Variants in FBXW4 observed in about 807,000 individuals in gnomAD.
The protein encoded by FBXW4 is F-box/WD repeat-containing protein 4.
Under a neutral mutation model 61.8 loss-of-function variants are expected in FBXW4, and 40 were observed. The observed-to-expected ratio is 0.65, with a 90% CI of 0.50 to 0.84. The LOEUF is 0.84. Ranked by LOEUF, FBXW4 falls within the 40% of genes least tolerant of loss-of-function variation. The probability of loss-of-function intolerance (pLI) is 0.00; values close to 1 mark genes in which losing one functional copy is unlikely to be tolerated. For synonymous variants in FBXW4, 311 were observed against 313.8 expected (o/e 0.99, Z 0.10); for missense variants, 672 against 753.8 (o/e 0.89, Z 1.27).
intron 5 of FBXW4, among the ~76,000 whole-genome samples, chr10:101,643,852 TG>T (rs1416619161): frequency 6.6e-6 from 1 of 151,748 alleles, no homozygotes; most frequent in Admixed American, 6.5e-5. Context: ...GGTAGGGAAG[TG>T]GGGGGGCCCA....
At chr10:101,686,627 T>C (rs1401937143) in intron 1 of FBXW4, among the ~76,000 whole-genome samples, 1 of 152,146 alleles carries the variant, frequency 6.6e-6, no homozygotes, top group Non-Finnish European at 1.5e-5. Flanking sequence ...TGAGAAATAA[T>C]TACACTGCTC....
At chr10:101,632,077 A>T (rs2063963593) in intron 5 of FBXW4, among the ~76,000 whole-genome samples, 1 of 152,180 alleles carries the variant, frequency 6.6e-6, no homozygotes, top group Non-Finnish European at 1.5e-5. Flanking sequence ...GATGGGACTG[A>T]TCAGTAGCTT....
rs750083482 is a variant in FBXW4, at chr10:101,694,410, G to C, written c.696C>G (p.Asn232Lys). The C allele has an allele frequency of 6.7e-7, 1 of 1,503,528 alleles. No homozygotes were observed. The highest frequency in any genetic ancestry group is 1.3e-5 in the South Asian group (1 of 78,642). The allele number at this position is 1,503,528 out of a possible 1,614,324, so 93.1% of individuals were successfully genotyped here. A position where few individuals can be genotyped will look rare whatever the true frequency, so the allele number is the denominator to read the frequency against. Reference protein sequence around the residue: ...LWRRIARASLNSGFTRLGTDL... With the variant: ...LWRRIARASLKSGFTRLGTDL... ...CGGTGCCGAGCCGCGTGAAGCCGGAGTTGAGCGAGGCCCGGGCTATCCGGC... is the reference window on the plus strand; with the variant it reads ...CGGTGCCGAGCCGCGTGAAGCCGGACTTGAGCGAGGCCCGGGCTATCCGGC... The change falls in exon 1 of 9, where the codon AAC becomes AAG. Residue 232 changes from asparagine (N) to lysine (K), a missense_variant. Transcript: ENST00000331272. The surrounding 1 kb of genome is among the most constrained non-coding windows in gnomAD (Gnocchi z 6.0).
At chr10:101,663,496 A>G (rs1348647713) in intron 5 of FBXW4, among the ~76,000 whole-genome samples, 3 of 152,154 alleles carry the variant, frequency 2.0e-5, no homozygotes. Flanking sequence ...CACATTTTTT[A>G]AAATCTGCTT....
At chr10:101,618,505 C>G (rs2063843053) in intron 6 of FBXW4, among the ~76,000 whole-genome samples, 1 of 152,148 alleles carries the variant, frequency 6.6e-6, no homozygotes, top group Non-Finnish European at 1.5e-5. Context: ...CTGCCCCTGC[C>G]TTTGTTGAGA....
chr10:101,673,371 AC>A (rs1257416307), intron 3 of FBXW4, 116 bp downstream of exon 3: 28 of 1,184,690 alleles, frequency 2.4e-5, no homozygotes, highest in Middle Eastern at 5.4e-4. Flanking sequence ...TAAATGGAAA[AC>A]CCTTCTGGTC....
chr10:101,662,734 G>A (rs572333565), intron 5 of FBXW4, among the ~76,000 whole-genome samples: 1 of 152,194 alleles, frequency 6.6e-6, no homozygotes, highest in South Asian at 2.1e-4. Flanking sequence ...AGCTGTGGGC[G>A]CCTCTCCCTT....
At chr10:101,642,658 C>G (rs1285124876) in intron 5 of FBXW4, among the ~76,000 whole-genome samples, 1 of 152,206 alleles carries the variant, frequency 6.6e-6, no homozygotes, top group African/African-American at 2.4e-5. Flanking sequence ...AATTCTACCT[C>G]TGAAGCCTCC....
intron 5 of FBXW4, among the ~76,000 whole-genome samples, chr10:101,631,682 C>T (rs534658400): frequency 6.7e-6 from 1 of 149,444 alleles, no homozygotes; most frequent in East Asian, 2.0e-4. Context: ...GGCTGGAGTG[C>T]AGTGGCGCAA....
At chr10:101,682,651 G>C (rs1017199863) in intron 1 of FBXW4, among the ~76,000 whole-genome samples, 1 of 152,022 alleles carries the variant, frequency 6.6e-6, no homozygotes, top group Non-Finnish European at 1.5e-5. Context: ...CACCTCCCTG[G>C]TCACTTAACT....
intron 5 of FBXW4, among the ~76,000 whole-genome samples, chr10:101,633,021 G>A (rs1369873976): frequency 6.6e-6 from 1 of 152,192 alleles, no homozygotes; most frequent in Non-Finnish European, 1.5e-5. Flanking sequence ...AGAAAGGGGT[G>A]CAGGTGTGGA....
At chr10:101,617,669 G>C (rs1424929965) in intron 6 of FBXW4, among the ~76,000 whole-genome samples, 1 of 152,166 alleles carries the variant, frequency 6.6e-6, no homozygotes, top group African/African-American at 2.4e-5. Context: ...TAACAAGGGG[G>C]CCATAATTAC....
intron 3 of FBXW4, 93 bp downstream of exon 3, chr10:101,673,395 C>A: frequency 1.4e-6 from 2 of 1,411,360 alleles, no homozygotes; most frequent in Non-Finnish European, 2.0e-6. Flanking sequence ...CCTCCTCATC[C>A]CTTTGGAGTT....
At chr10:101,641,754 A>T (rs2064055501) in intron 5 of FBXW4, among the ~76,000 whole-genome samples, 1 of 152,122 alleles carries the variant, frequency 6.6e-6, no homozygotes, top group African/African-American at 2.4e-5. Context: ...ATCAGAAATT[A>T]GGTACGAGGA....
chr10:101,653,419 G>A (rs1428994238), intron 5 of FBXW4, among the ~76,000 whole-genome samples: 1 of 152,130 alleles, frequency 6.6e-6, no homozygotes, highest in Non-Finnish European at 1.5e-5. Flanking sequence ...TCCAAAACTA[G>A]ACTCCAAATT....
At chr10:101,667,422 C>T (rs939823045) in intron 5 of FBXW4, among the ~76,000 whole-genome samples, 5 of 152,140 alleles carry the variant, frequency 3.3e-5, no homozygotes, top group African/African-American at 7.2e-5. Context: ...ATCTGGGCCC[C>T]AAGCCTCTCC....
chr10:101,670,186 CAA>C (rs1164222459), intron 4 of FBXW4, among the ~76,000 whole-genome samples: 2 of 152,166 alleles, frequency 1.3e-5, no homozygotes, highest in African/African-American at 4.8e-5. Context: ...AATCCTAAAA[CAA>C]AAGAAAAACC....
Position 101,673,680 on chromosome 10 carries a change from T to C in FBXW4, c.822-7A>G. ...CTGCATCCAGGGCATCTGACTGAAATGATGGAAAAGAAAATTTAAAAGTCA... is the reference window on the plus strand; with the variant it reads ...CTGCATCCAGGGCATCTGACTGAAACGATGGAAAAGAAAATTTAAAAGTCA... On this transcript the variant is annotated splice_polypyrimidine_tract_variant and splice_region_variant and intron_variant, in intron 2 of 8. Coordinates refer to ENST00000331272, the MANE Select transcript of FBXW4 (RefSeq NM_022039.4). 6.2e-7 allele frequency: 1 copy of C among 1,609,522 alleles called. No individual in the cohort carries two copies. The highest frequency in any genetic ancestry group is 8.5e-7 in the Non-Finnish European group (1 of 1,176,434).
chr10:101,631,784 C>A (rs931760370), intron 5 of FBXW4, among the ~76,000 whole-genome samples: 1 of 152,128 alleles, frequency 6.6e-6, no homozygotes, highest in Non-Finnish European at 1.5e-5. Context: ...CATGCCACCA[C>A]GCCTGGCTAA....
Sources: allele counts gnomAD v4.1 joint callset (sites outside exome capture counted in the v4.1 genomes callset), GRCh38; gene constraint gnomAD v4.1.1; non-coding constraint Gnocchi (gnomAD v3.1); transcripts MANE v1.5; gene names NCBI Gene and HGNC (gene_info 2026-07-23, HGNC 2026-07-21).